Variants in DNAH8 observed in about 807,000 individuals in gnomAD.
DNAH8 encodes the protein axonemal beta dynein heavy chain 8.
A neutral mutation model predicts 562.1 loss-of-function variants in DNAH8; 382 were observed. That is an observed-to-expected ratio of 0.68 (90% CI 0.63 to 0.74). DNAH8 has a LOEUF of 0.74. Ranked by LOEUF, DNAH8 falls within the 30% of genes least tolerant of loss-of-function variation. DNAH8 has a pLI of 0.00. For synonymous variants in DNAH8, 1,881 were observed against 1,919.4 expected (o/e 0.98, Z 0.52); for missense variants, 5,203 against 5,620.4 (o/e 0.93, Z 2.37).
Position 38,790,367 on chromosome 6 carries a change from G to A in DNAH8, c.2743G>A (p.Glu915Lys), listed in dbSNP as rs772099828. ...ACTGGAAAGCTTCTTTCAAGAAGTC[G>A]AATTAGTTTTGGATATGTTCAATCA... is the stretch of plus-strand genomic sequence containing the variant. ...LTLESFFQEV[E>K]LVLDMFNQLL... The change falls in exon 20 of 93, where the codon GAA becomes AAA. Residue 915 changes from glutamate to lysine, a missense_variant. Around this residue, in one of 6 missense-constraint regions of DNAH8, gnomAD observed 2,176 missense variants for 2,365.1 expected, o/e 0.92. Coordinates refer to ENST00000327475, the MANE Select transcript of DNAH8 (RefSeq NM_001206927.2). 17 of 1,605,738 alleles carry A rather than the reference G, an allele frequency of 1.1e-5. No homozygotes were observed. In the Admixed American group the frequency reaches 1.9e-4, roughly 18 times the overall value.
intron 24 of DNAH8, among the ~76,000 whole-genome samples, chr6:38,813,651 C>T (rs541014148): frequency 1.4e-4 from 22 of 152,076 alleles, no homozygotes; most frequent in South Asian, 2.1e-4. Flanking sequence ...TTTAACAACG[C>T]GGTTTTTGGA....
intron 11 of DNAH8, chr6:38,764,361 A>G (rs1279782691): frequency 6.5e-6 from 1 of 153,306 alleles, no homozygotes; most frequent in African/African-American, 2.4e-5. Context: ...AACAAATTCA[A>G]TATGGGAAGT....
chr6:38,801,929 A>G (rs1041030409), intron 21 of DNAH8, among the ~76,000 whole-genome samples: 2 of 150,838 alleles, frequency 1.3e-5, no homozygotes, highest in African/African-American at 4.9e-5. Context: ...TTGAAGGCCC[A>G]AAGTGGCTGC....
In DNAH8 at chr6:38,758,678, C is replaced by G. The variant is rs557497698; in HGVS notation, c.1515+2599C>G. On this transcript the variant is annotated intron_variant, in intron 10 of 92. Transcript: ENST00000327475. ...TTGGCTGTGGGTTTGTCATAAATAG[C>G]TCTTATTATTTTGAGATACATCCCA... Among the ~76,000 whole-genome samples, 4 of 151,996 alleles carry G rather than the reference C, an allele frequency of 2.6e-5. No homozygotes were observed. In the South Asian group the frequency reaches 8.3e-4, roughly 32 times the overall value.
intron 88 of DNAH8, among the ~76,000 whole-genome samples, chr6:38,997,508 C>T (rs958477265): frequency 2.0e-5 from 3 of 152,066 alleles, no homozygotes; most frequent in Admixed American, 2.0e-4. Flanking sequence ...GGAGAAGTTA[C>T]AGAGTTCTGT....
intron 52 of DNAH8, among the ~76,000 whole-genome samples, chr6:38,874,006 T>G (rs1777699929): frequency 6.7e-6 from 1 of 149,258 alleles, no homozygotes. Context: ...CCTTTCTTCC[T>G]TCCTTTCCTC....
chr6:38,997,225 T>C (rs187197963), intron 88 of DNAH8, among the ~76,000 whole-genome samples: 50 of 152,272 alleles, frequency 3.3e-4, no homozygotes, highest in African/African-American at 1.2e-3. Flanking sequence ...CCTCTGGCTC[T>C]GAAATATCTG....
intron 10 of DNAH8, among the ~76,000 whole-genome samples, chr6:38,757,777 G>T (rs1213071574): frequency 6.6e-6 from 1 of 152,132 alleles, no homozygotes; most frequent in Admixed American, 6.5e-5. Flanking sequence ...ATTAAATAGG[G>T]AATCGTTTCC....
chr6:38,744,404 A>T (rs1764762269), intron 8 of DNAH8: 1 of 151,858 alleles, frequency 6.6e-6, no homozygotes, highest in Non-Finnish European at 1.5e-5. Context: ...ACTAAAAAAA[A>T]ATTTTTGGGG....
intron 47 of DNAH8, among the ~76,000 whole-genome samples, chr6:38,867,183 C>A (rs1384551284): frequency 6.6e-6 from 1 of 151,730 alleles, no homozygotes; most frequent in Non-Finnish European, 1.5e-5. Context: ...CTGAAGCAGT[C>A]CACAGAGTTT....
chr6:38,789,667 A>G, intron 18 of DNAH8, 136 bp from the exon 19 acceptor site: 1 of 596,268 alleles, frequency 1.7e-6, no homozygotes, highest in Non-Finnish European at 2.9e-6. Flanking sequence ...AAATCAGCAT[A>G]AGTTTAAATG....
intron 21 of DNAH8, among the ~76,000 whole-genome samples, chr6:38,801,134 T>C (rs1770744007): frequency 6.6e-6 from 1 of 152,198 alleles, no homozygotes; most frequent in African/African-American, 2.4e-5. Flanking sequence ...TCCAAGGTCA[T>C]GAAGATTTAT....
At position 39,026,542 on chromosome 6, in the gene DNAH8, T is replaced by G. The variant is rs570998452; in HGVS notation, c.13715-4T>G. The G allele has an allele frequency of 1.1e-5, 18 of 1,602,868 alleles. No homozygotes were observed. In the South Asian group the frequency reaches 2.0e-4, roughly 18 times the overall value. On this transcript the variant is annotated splice_region_variant and splice_polypyrimidine_tract_variant and intron_variant, in intron 91 of 92. Transcript: ENST00000327475. ...CTTCAACATCTCTTCTTTTTTTCTT[T>G]AAGGCTTCCTCACAGCAATGAGGCA...
chr6:38,736,544 C>T (rs1781727), intron 5 of DNAH8, among the ~76,000 whole-genome samples: 38,422 of 151,768 alleles, frequency 0.25, 5,815 homozygotes, highest in Non-Finnish European at 0.35. Flanking sequence ...TTTTTTGTGA[C>T]CCTAGACAAG....
At chr6:39,025,251 G>T (rs563032052) in intron 91 of DNAH8, among the ~76,000 whole-genome samples, 1 of 152,044 alleles carries the variant, frequency 6.6e-6, no homozygotes, top group Non-Finnish European at 1.5e-5. Flanking sequence ...TCTCAATTAC[G>T]CTTTCCCTGA....
chr6:38,804,894 A>AGT lies in DNAH8; in HGVS notation c.3035-574_3035-573dup, dbSNP rs796639456. Among the ~76,000 whole-genome samples the AGT allele has an allele frequency of 4.0e-3, 402 of 101,188 alleles. 1 individual carries two copies. In the Middle Eastern group the frequency reaches 0.047, roughly 12 times the overall value. The allele number at this position is 101,188 out of a possible 152,430, so 66.4% of individuals were successfully genotyped here. A position where few individuals can be genotyped will look rare whatever the true frequency, so the allele number is the denominator to read the frequency against. On this transcript the variant is annotated intron_variant, in intron 22 of 92. Coordinates refer to ENST00000327475, the MANE Select transcript of DNAH8 (RefSeq NM_001206927.2). ...TCTGGAGACATTTCAGTTGTCACAC[A>AGT]GTGTGTGTGTGTGTTGGGGGTGGCC...
At chr6:38,974,628 T>C in intron 85 of DNAH8, 99 bp downstream of exon 85, 1 of 904,354 alleles carries the variant, frequency 1.1e-6, no homozygotes, top group Non-Finnish European at 1.7e-6. Flanking sequence ...GTTGCCGCTC[T>C]GTCTCCTTAC....
In DNAH8 at chr6:38,860,532, G is replaced by A. The variant is rs1309334131; in HGVS notation, c.6034G>A (p.Asp2012Asn). 6.6e-7 allele frequency: 1 copy of A among 1,518,120 alleles called. No homozygotes were observed. 94.0% of individuals were successfully genotyped at this position (1,518,120 alleles called of 1,614,324 possible). A position where few individuals can be genotyped will look rare whatever the true frequency, so the allele number is the denominator to read the frequency against. Residue 2012 changes from aspartate (D) to asparagine (N), a missense_variant, in exon 43 of 93, where the codon GAT (aspartate) becomes AAT (asparagine). Transcript: ENST00000327475. ...TAGATTTTATTTTAAGGAAGATTTG[G>A]ATCAAACTGTGGTGTCTATTACAGA... ...QSRFYFKEDL[D>N]QTVVSITDVD...
At chr6:39,007,799 A>C (rs1765890075) in intron 88 of DNAH8, among the ~76,000 whole-genome samples, 2 of 147,854 alleles carry the variant, frequency 1.4e-5, no homozygotes, top group Admixed American at 6.8e-5. Flanking sequence ...CCACCACCCC[A>C]CCCCACTGCG....
Sources: allele counts gnomAD v4.1 joint callset (sites outside exome capture counted in the v4.1 genomes callset), GRCh38; gene constraint gnomAD v4.1.1; regional missense constraint gnomAD v4.1.1; transcripts MANE v1.5; gene names NCBI Gene and HGNC (gene_info 2026-07-23, HGNC 2026-07-21).